Variants in PCLO observed in about 807,000 individuals in gnomAD.
PCLO encodes protein piccolo.
Under a neutral mutation model 427.5 loss-of-function variants are expected in PCLO, and 82 were observed. The ratio of observed to expected loss-of-function variants is 0.19; its 90% CI spans 0.16 to 0.23. PCLO has a LOEUF of 0.23. Ranked by LOEUF, PCLO falls within the 10% of genes least tolerant of loss-of-function variation. PCLO has a pLI of 1.00. For missense variants in PCLO, 6,239 were observed against 6,115.9 expected (o/e 1.02, Z -0.67); for synonymous variants, 2,357 against 2,155.4 (o/e 1.09, Z -2.59).
At chr7:82,842,532 AT>A (rs1319093298) in intron 13 of PCLO, among the ~76,000 whole-genome samples, 1 of 152,132 alleles carries the variant, frequency 6.6e-6, no homozygotes, top group Non-Finnish European at 1.5e-5. Flanking sequence ...AAAAGCAAAA[AT>A]AAAAAATAGA....
At chr7:82,791,332 C>G in intron 22 of PCLO, among the ~76,000 whole-genome samples, 1 of 152,112 alleles carries the variant, frequency 6.6e-6, no homozygotes, top group Non-Finnish European at 1.5e-5. Context: ...ACTTAGCATT[C>G]CATAACACCA....
intron 3 of PCLO, among the ~76,000 whole-genome samples, chr7:83,028,187 T>A (rs1055373388): frequency 6.6e-6 from 1 of 152,140 alleles, no homozygotes; most frequent in African/African-American, 2.4e-5. Flanking sequence ...GCAGATGACA[T>A]GATTGTATAT....
intron 22 of PCLO, among the ~76,000 whole-genome samples, 180 bp downstream of exon 22, chr7:82,801,338 A>G (rs12667348): frequency 0.36 from 54,345 of 150,140 alleles, 12,183 homozygotes; most frequent in East Asian, 0.67. Context: ...AAATGAGAAA[A>G]TTGGGGAATT....
At chr7:83,093,685 G>A (rs561898272) in intron 3 of PCLO, among the ~76,000 whole-genome samples, 162 of 148,374 alleles carry the variant, frequency 1.1e-3, no homozygotes, top group Non-Finnish European at 2.1e-3. Flanking sequence ...AGTAGAGACG[G>A]GGTTTCACCG....
chr7:82,964,915 T>C (rs1795730770), intron 4 of PCLO, among the ~76,000 whole-genome samples: 1 of 152,158 alleles, frequency 6.6e-6, no homozygotes, highest in South Asian at 2.1e-4. Context: ...CAAACTATAG[T>C]TTCTAGTTGG....
intron 4 of PCLO, among the ~76,000 whole-genome samples, chr7:82,959,686 C>G (rs757334315): frequency 6.6e-6 from 1 of 152,144 alleles, no homozygotes. Context: ...CTCAGCACCA[C>G]GTCTTACCCA....
chr7:83,070,050 G>A (rs1263252131), intron 3 of PCLO, among the ~76,000 whole-genome samples: 1 of 152,010 alleles, frequency 6.6e-6, no homozygotes, highest in Non-Finnish European at 1.5e-5. Flanking sequence ...TATCACTTCT[G>A]AGATTAGGTT....
Position 83,162,442 on chromosome 7 carries a change from C to G in PCLO, c.151G>C (p.Glu51Gln). The change falls in exon 1 of 25, where the codon GAG becomes CAG. Residue 51 changes from glutamate (E) to glutamine (Q), a missense_variant. By Grantham distance (29) the Glu-to-Gln change is conservative (BLOSUM62 2). Transcript: ENST00000333891. The stretch of plus-strand genomic sequence containing the variant: ...ACAGCGGCGATCTGTCTCCTCTCCT[C>G]TTCGCTCAGCTGGCTCAAATCCGCC... Reference protein sequence around the residue: ...MEADLSQLSEEERRQIAAVMS... With the variant: ...MEADLSQLSEQERRQIAAVMS... The G allele has an allele frequency of 6.3e-7, 1 of 1,595,188 alleles. No homozygotes were observed. Among genetic ancestry groups the G allele is most frequent in the African/African-American group, 1.3e-5 (1 of 74,674 alleles).
intron 3 of PCLO, among the ~76,000 whole-genome samples, chr7:83,112,042 G>A (rs1411528958): frequency 1.4e-5 from 2 of 142,778 alleles, no homozygotes; most frequent in Non-Finnish European, 3.1e-5. Context: ...GGGTTTTTTT[G>A]TTGTTTTTTG....
intron 20 of PCLO, among the ~76,000 whole-genome samples, chr7:82,814,490 T>G (rs1791635946): frequency 6.6e-6 from 1 of 150,818 alleles, no homozygotes; most frequent in African/African-American, 2.4e-5. Flanking sequence ...ATAATTTAAT[T>G]TATAATAATT....
chr7:82,825,783 T>C (rs993211737), intron 18 of PCLO, among the ~76,000 whole-genome samples: 1 of 147,998 alleles, frequency 6.8e-6, no homozygotes, highest in African/African-American at 2.5e-5. Flanking sequence ...ACACATGATA[T>C]ATACAATATA....
chr7:83,128,022 TA>T (rs1207296461), intron 3 of PCLO, among the ~76,000 whole-genome samples: 1 of 152,086 alleles, frequency 6.6e-6, no homozygotes, highest in Middle Eastern at 3.2e-3. Context: ...ATATCAAAGT[TA>T]AAAGATAAAA....
At chr7:83,103,376 C>T (rs1461060765) in intron 3 of PCLO, among the ~76,000 whole-genome samples, 4 of 151,762 alleles carry the variant, frequency 2.6e-5, no homozygotes, top group Non-Finnish European at 5.9e-5. Context: ...CAACAGTGGC[C>T]AGAATATAAG....
chr7:82,887,833 G>T, intron 9 of PCLO, among the ~76,000 whole-genome samples: 1 of 152,106 alleles, frequency 6.6e-6, no homozygotes, highest in African/African-American at 2.4e-5. Flanking sequence ...ACTTTGGGAG[G>T]CCAAGGCGGG....
chr7:82,852,897 C>T (rs1375139106), intron 10 of PCLO, among the ~76,000 whole-genome samples: 1 of 152,082 alleles, frequency 6.6e-6, no homozygotes. Flanking sequence ...CAGCCTTTGG[C>T]AACCATCATT....
At chr7:82,784,295 G>GGTCAT (rs1256007883) in intron 22 of PCLO, among the ~76,000 whole-genome samples, 1 of 152,018 alleles carries the variant, frequency 6.6e-6, no homozygotes, top group Non-Finnish European at 1.5e-5. Context: ...ACTTCACCTG[G>GGTCAT]GTCATACTCT....
intron 3 of PCLO, among the ~76,000 whole-genome samples, chr7:83,026,698 C>G (rs972857333): frequency 6.6e-6 from 1 of 151,952 alleles, no homozygotes; most frequent in Non-Finnish European, 1.5e-5. Context: ...TGACCACATA[C>G]TTGGAAGTAA....
chr7:82,936,517 A>T (rs548838273), intron 6 of PCLO, among the ~76,000 whole-genome samples: 1 of 111,736 alleles, frequency 8.9e-6, no homozygotes, highest in African/African-American at 4.1e-5. Flanking sequence ...TATTTTAAAA[A>T]GGAAAATAAG....
At chr7:83,143,958 T>G (rs1791931088) in intron 2 of PCLO, among the ~76,000 whole-genome samples, 1 of 152,212 alleles carries the variant, frequency 6.6e-6, no homozygotes, top group African/African-American at 2.4e-5. Flanking sequence ...ATTGTCCTCT[T>G]ATTATTTCAT....
Sources: allele counts gnomAD v4.1 joint callset (sites outside exome capture counted in the v4.1 genomes callset), GRCh38; gene constraint gnomAD v4.1.1; transcripts MANE v1.5; gene names NCBI Gene and HGNC (gene_info 2026-07-23, HGNC 2026-07-21).